HDAC9: variants seen among roughly 807,000 people sequenced by gnomAD.
HDAC9 encodes the protein histone deacetylase 9.
HDAC9 carries 41 observed loss-of-function variants against 139.4 expected under a neutral mutation model. The observed-to-expected ratio is 0.29, with a 90% CI of 0.23 to 0.38. The LOEUF (loss-of-function observed/expected upper bound fraction) is 0.38. Among genes scored for constraint, HDAC9 ranks in the 10% least tolerant of loss-of-function variants. The pLI is 1.00. For missense variants in HDAC9, 1,147 were observed against 1,297.0 expected (o/e 0.88, Z 1.78); for synonymous variants, 517 against 476.2 (o/e 1.09, Z -1.12).
chr7:18,370,675 C>T (rs955875851), intron 1 of HDAC9, among the ~76,000 whole-genome samples: 1 of 152,106 alleles, frequency 6.6e-6, no homozygotes, highest in Non-Finnish European at 1.5e-5. Context: ...TTTATCTAGC[C>T]CTTGCTAGCA....
chr7:18,735,044 A>C (rs1210706232), intron 13 of HDAC9, among the ~76,000 whole-genome samples: 1 of 152,188 alleles, frequency 6.6e-6, no homozygotes, highest in Non-Finnish European at 1.5e-5. Context: ...TCTTTTGAGA[A>C]GTGTCTGTTC....
At chr7:18,092,727 G>T (rs1186611972) in intron 1 of HDAC9, among the ~76,000 whole-genome samples, 1 of 152,164 alleles carries the variant, frequency 6.6e-6, no homozygotes, top group Non-Finnish European at 1.5e-5. Flanking sequence ...CTAGGGATGG[G>T]ATTGAATTGG....
intron 17 of HDAC9, among the ~76,000 whole-genome samples, chr7:18,794,591 A>G (rs1792619084): frequency 6.6e-6 from 1 of 152,186 alleles, no homozygotes; most frequent in Admixed American, 6.5e-5. Context: ...CAGGGGATAT[A>G]TGGGGTCATT....
intron 1 of HDAC9, among the ~76,000 whole-genome samples, chr7:18,395,575 G>T (rs1239433343): frequency 1.3e-5 from 2 of 149,778 alleles, no homozygotes; most frequent in Non-Finnish European, 3.0e-5. Flanking sequence ...CCACTCTTAT[G>T]GGAAGGAGAG....
chr7:18,585,621 G>C, intron 3 of HDAC9, 99 bp downstream of exon 3: 4 of 1,391,720 alleles, frequency 2.9e-6, no homozygotes, highest in Non-Finnish European at 3.9e-6. Context: ...GATTCACTGT[G>C]ATTAAGACAT....
Position 18,293,530 on chromosome 7 carries a change from C to A in HDAC9, c.-42+3015C>A, listed in dbSNP as rs368884622. ...TTAGATTCTTAAACCTTTGAGAAAG[C>A]AGAGCAGCTCTTTAGTACTGGCCAC... is the stretch of plus-strand genomic sequence containing the variant. On this transcript the variant is annotated intron_variant, in intron 1 of 3. Coordinates refer to the HDAC9 transcript ENST00000413509. Among the ~76,000 whole-genome samples the A allele has an allele frequency of 3.9e-5, 6 of 152,214 alleles. No homozygotes were observed. In the East Asian group the frequency reaches 7.7e-4, roughly 20 times the overall value.
intron 25 of HDAC9, among the ~76,000 whole-genome samples, chr7:18,985,801 T>G (rs1366462987): frequency 5.8e-5 from 8 of 137,746 alleles, no homozygotes; most frequent in African/African-American, 2.5e-4. Flanking sequence ...GGTTTTGATT[T>G]GCATTTCTCT....
intron 2 of HDAC9, among the ~76,000 whole-genome samples, chr7:18,183,298 G>A (rs146228890): frequency 2.0e-5 from 3 of 152,018 alleles, no homozygotes; most frequent in Non-Finnish European, 4.4e-5. Flanking sequence ...CGTGAGCCAC[G>A]GCGCCCAGCC....
In HDAC9 at chr7:18,999,956, T is replaced by C. The variant is rs902394066; in HGVS notation, c.*3894T>C. On this transcript the variant is annotated 3_prime_UTR_variant, in exon 26 of 26. Transcript: ENST00000686413. Reference sequence around the variant, plus strand: ...CAGTGTTTGACATTGTCATTTCTAGTGGCATGTATCTTAACATTCTTTTCC... The same window carrying C: ...CAGTGTTTGACATTGTCATTTCTAGCGGCATGTATCTTAACATTCTTTTCC... The C allele has an allele frequency of 2.0e-5, 3 of 152,206 alleles. No individual in the cohort carries two copies. The highest frequency in any genetic ancestry group is 1.3e-4 in the Admixed American group (2 of 15,278). 9.4% of individuals were successfully genotyped at this position (152,206 alleles called of 1,614,324 possible).
intron 17 of HDAC9, among the ~76,000 whole-genome samples, chr7:18,827,642 T>G (rs1022945283): frequency 1.3e-5 from 2 of 152,212 alleles, no homozygotes; most frequent in Non-Finnish European, 2.9e-5. Context: ...CTTCTTTGTG[T>G]TGTTATGCCA....
At chr7:18,824,202 A>C (rs1167989993) in intron 17 of HDAC9, among the ~76,000 whole-genome samples, 1 of 152,158 alleles carries the variant, frequency 6.6e-6, no homozygotes, top group Non-Finnish European at 1.5e-5. Context: ...TGCAAGCCGC[A>C]AAGAGAGCTC....
At chr7:18,241,115 G>A (rs936166642) in intron 2 of HDAC9, among the ~76,000 whole-genome samples, 1 of 152,086 alleles carries the variant, frequency 6.6e-6, no homozygotes, top group Admixed American at 6.5e-5. Context: ...TAAAGGCCAG[G>A]GGACCCCAGC....
intron 1 of HDAC9, among the ~76,000 whole-genome samples, chr7:18,382,499 G>T (rs1168048393): frequency 1.2e-4 from 18 of 152,364 alleles, no homozygotes; most frequent in African/African-American, 3.1e-4. Context: ...CCATATGGCA[G>T]TTACTTTTCT....
At chr7:18,094,944 C>T (rs1028518640) in intron 1 of HDAC9, among the ~76,000 whole-genome samples, 10 of 152,186 alleles carry the variant, frequency 6.6e-5, no homozygotes, top group Admixed American at 5.2e-4. Flanking sequence ...TTCAGTTTTT[C>T]ACTTCCTGCA....
chr7:18,677,188 A>AT (rs1288783254), intron 12 of HDAC9, among the ~76,000 whole-genome samples: 1 of 151,878 alleles, frequency 6.6e-6, no homozygotes, highest in African/African-American at 2.4e-5. Context: ...CTGACACTAT[A>AT]TATTAGTTTT....
At chr7:18,962,067 A>G (rs1783559540) in intron 24 of HDAC9, among the ~76,000 whole-genome samples, 1 of 152,230 alleles carries the variant, frequency 6.6e-6, no homozygotes, top group African/African-American at 2.4e-5. Flanking sequence ...ACAAGAAGCC[A>G]TGGAGCTGTG....
chr7:18,100,014 T>A (rs995997248), intron 1 of HDAC9, among the ~76,000 whole-genome samples: 1 of 152,214 alleles, frequency 6.6e-6, no homozygotes, highest in African/African-American at 2.4e-5. Context: ...GTGGCACAGA[T>A]CTGCTGGTGA....
chr7:18,447,490 A>G (rs1792402659), intron 1 of HDAC9, among the ~76,000 whole-genome samples: 1 of 152,180 alleles, frequency 6.6e-6, no homozygotes. Context: ...TTGTTAGCCC[A>G]TGTAGAGGAA....
intron 15 of HDAC9, among the ~76,000 whole-genome samples, chr7:18,764,971 T>C (rs1789701131): frequency 6.6e-6 from 1 of 152,202 alleles, no homozygotes; most frequent in Non-Finnish European, 1.5e-5. Context: ...TTAAATACTC[T>C]AGACCCTGTA....
Sources: gnomAD v4.1 joint callset for allele counts (sites outside exome capture counted in the v4.1 genomes callset) on GRCh38, gnomAD v4.1.1 for gene constraint, MANE v1.5 for transcripts, NCBI Gene and HGNC (gene_info 2026-07-23, HGNC 2026-07-21) for gene names.